Variants in CSMD3 observed in about 807,000 individuals in gnomAD.
The protein encoded by CSMD3 is CUB and Sushi multiple domains 3, also known as CUB and sushi domain-containing protein 3.
CSMD3 carries 177 observed loss-of-function variants against 435.2 expected under a neutral mutation model. The ratio of observed to expected loss-of-function variants is 0.41; its 90% CI spans 0.36 to 0.46. The LOEUF (loss-of-function observed/expected upper bound fraction) is 0.46. Ranked by LOEUF, CSMD3 falls within the 20% of genes least tolerant of loss-of-function variation. CSMD3 has a pLI of 0.34. For missense variants in CSMD3, 4,265 were observed against 4,504.6 expected, an observed-to-expected ratio of 0.95 and a Z score of 1.52; for synonymous variants, 1,656 against 1,520.5, an observed-to-expected ratio of 1.09 and a Z score of -2.07.
chr8:112,534,556 A>G (rs1825868130), intron 27 of CSMD3, among the ~76,000 whole-genome samples: 1 of 152,220 alleles, frequency 6.6e-6, no homozygotes, highest in South Asian at 2.1e-4. Flanking sequence ...CCAACTAAAA[A>G]GAGTCCAGGA....
At chr8:113,098,645 T>C (rs2090238184) in intron 5 of CSMD3, 111 bp downstream of exon 5, 1 of 754,948 alleles carries the variant, frequency 1.3e-6, no homozygotes, top group Admixed American at 2.1e-5. Context: ...ATAACTTTCC[T>C]GTAAGATCTT....
rs1425164604 is a variant in CSMD3 at position 113,126,681 on chromosome 8, G to A, written c.710-27718C>T. ...GGAAAAGCAGAAGGAGGAGGAAGGG[G>A]AAGGAAAACTGGGTGGGCTATACCA... On this transcript the variant is annotated intron_variant, in intron 4 of 70. Transcript: ENST00000297405. 2.0e-5 allele frequency among the ~76,000 whole-genome samples: 3 copies of A among 151,974 alleles called. No individual in the cohort carries two copies. In the South Asian group the frequency reaches 6.2e-4, roughly 31 times the overall value.
In CSMD3 at chr8:112,713,960, T is replaced by C. The variant is rs574890562; in HGVS notation, c.1973-23910A>G. 2.6e-5 allele frequency among the ~76,000 whole-genome samples: 4 copies of C among 152,166 alleles called. 1 individual carries two copies. The South Asian group carries it at 8.3e-4, about 32-fold the overall frequency. Reference sequence around the variant, plus strand: ...TGGAAGAAAAACCAGTACCAGACACTGGAAAAACATGCCAAAATATAAATA... The same window carrying C: ...TGGAAGAAAAACCAGTACCAGACACCGGAAAAACATGCCAAAATATAAATA... On this transcript the variant is annotated intron_variant, in intron 13 of 70. Coordinates refer to ENST00000297405, the MANE Select transcript of CSMD3 (RefSeq NM_198123.2).
At chr8:113,178,177 G>A (rs1267779782) in intron 3 of CSMD3, among the ~76,000 whole-genome samples, 1 of 151,750 alleles carries the variant, frequency 6.6e-6, no homozygotes, top group Non-Finnish European at 1.5e-5. Context: ...TAGGCATTTG[G>A]GCATTCTTCC....
At chr8:112,396,076 A>G (rs1476828902) in intron 35 of CSMD3, among the ~76,000 whole-genome samples, 2 of 152,142 alleles carry the variant, frequency 1.3e-5, no homozygotes, top group African/African-American at 4.8e-5. Flanking sequence ...GCTGCTTTCC[A>G]ATCAACAGTT....
intron 5 of CSMD3, among the ~76,000 whole-genome samples, chr8:113,086,537 G>T (rs1052776588): frequency 6.6e-6 from 1 of 151,608 alleles, no homozygotes; most frequent in East Asian, 1.9e-4. Context: ...ATATTATTGG[G>T]AGCTTTTGAC....
chr8:112,862,352 C>T (rs1300818467), intron 10 of CSMD3, among the ~76,000 whole-genome samples: 1 of 151,976 alleles, frequency 6.6e-6, no homozygotes, highest in Non-Finnish European at 1.5e-5. Context: ...TTGCATATAT[C>T]ATGACGACTG....
At chr8:113,207,514 C>G (rs1230173566) in intron 3 of CSMD3, among the ~76,000 whole-genome samples, 1 of 151,788 alleles carries the variant, frequency 6.6e-6, no homozygotes, top group Non-Finnish European at 1.5e-5. Context: ...TCCCAAGTAG[C>G]TGGGATTACA....
chr8:113,409,525 A>G (rs2094548724), intron 1 of CSMD3, among the ~76,000 whole-genome samples: 2 of 152,182 alleles, frequency 1.3e-5, no homozygotes, highest in Admixed American at 6.6e-5. Flanking sequence ...CCGGCACTGT[A>G]TATTCATGCC....
intron 10 of CSMD3, among the ~76,000 whole-genome samples, chr8:112,891,290 C>T (rs2081781184): frequency 6.6e-6 from 1 of 151,618 alleles, no homozygotes; most frequent in Non-Finnish European, 1.5e-5. Context: ...CAAGTGATAA[C>T]TCTGCACATT....
intron 1 of CSMD3, among the ~76,000 whole-genome samples, chr8:113,337,764 A>G (rs929477705): frequency 6.6e-6 from 1 of 151,978 alleles, no homozygotes; most frequent in African/African-American, 2.4e-5. Flanking sequence ...AGTTCAAGAG[A>G]TCTATTGTAT....
chr8:112,837,255 A>C (rs1004726548), intron 11 of CSMD3, among the ~76,000 whole-genome samples: 3 of 151,832 alleles, frequency 2.0e-5, no homozygotes, highest in Non-Finnish European at 4.4e-5. Flanking sequence ...AAAGCTGAAG[A>C]AAATACTCAA....
At chr8:113,131,247 C>T (rs1292287779) in intron 4 of CSMD3, among the ~76,000 whole-genome samples, 1 of 152,054 alleles carries the variant, frequency 6.6e-6, no homozygotes, top group African/African-American at 2.4e-5. Context: ...ACAGTCAACA[C>T]AAGGGGGAAA....
chr8:112,928,206 A>T (rs143204332), intron 9 of CSMD3, among the ~76,000 whole-genome samples: 178 of 152,302 alleles, frequency 1.2e-3, no homozygotes, highest in African/African-American at 4.0e-3. Flanking sequence ...ATCCCAAAAG[A>T]AATACATTGT....
chr8:113,219,891 G>A (rs569794288), intron 3 of CSMD3, among the ~76,000 whole-genome samples: 2 of 151,526 alleles, frequency 1.3e-5, no homozygotes, highest in South Asian at 4.2e-4. Flanking sequence ...TACAAACAAA[G>A]TGTTCATATT....
At chr8:112,486,029 A>G (rs1366951232) in intron 31 of CSMD3, among the ~76,000 whole-genome samples, 1 of 151,318 alleles carries the variant, frequency 6.6e-6, no homozygotes, top group East Asian at 1.9e-4. Context: ...CTGGCTAAGT[A>G]TATCTATATA....
chr8:112,371,554 T>G (rs1461535154), intron 38 of CSMD3, among the ~76,000 whole-genome samples: 1 of 152,096 alleles, frequency 6.6e-6, no homozygotes, highest in Non-Finnish European at 1.5e-5. Flanking sequence ...AAATAGGAAT[T>G]ATGTTTTCTC....
chr8:112,629,098 C>A (rs2074436915), intron 22 of CSMD3, among the ~76,000 whole-genome samples: 1 of 152,176 alleles, frequency 6.6e-6, no homozygotes, highest in Non-Finnish European at 1.5e-5. Context: ...ATAATACTGT[C>A]TTGAACGATG....
chr8:112,913,678 T>C (rs1392766288), intron 10 of CSMD3, among the ~76,000 whole-genome samples: 2 of 151,332 alleles, frequency 1.3e-5, no homozygotes, highest in Non-Finnish European at 3.0e-5. Context: ...TCTTTTTTTT[T>C]CTCCTCTCTC....
Sources: allele counts gnomAD v4.1 joint callset (sites outside exome capture counted in the v4.1 genomes callset), GRCh38; gene constraint gnomAD v4.1.1; transcripts MANE v1.5; gene names NCBI Gene and HGNC (gene_info 2026-07-23, HGNC 2026-07-21).